The following PLCXD3 variants were observed in gnomAD, a reference collection of about 807,000 sequenced individuals.
The protein encoded by PLCXD3 is PI-PLC X domain-containing protein 3.
In PLCXD3, 19 loss-of-function variants were observed where a neutral mutation model predicts 25.5. The observed-to-expected ratio is 0.75, with a 90% confidence interval of 0.52 to 1.09. The LOEUF (loss-of-function observed/expected upper bound fraction) is 1.09, where lower values mean the gene tolerates loss of function less well. PLCXD3 is among the 50% of genes least tolerant of loss of function. PLCXD3 has a pLI of 0.00. For synonymous variants in PLCXD3, 174 were observed against 137.6 expected, an observed-to-expected ratio of 1.26 and a Z score of -1.85; for missense variants, 411 against 388.1, an observed-to-expected ratio of 1.06 and a Z score of -0.50.
chr5:41,426,000 G>T (rs1746946890), intron 1 of PLCXD3, among the ~76,000 whole-genome samples: 1 of 152,142 alleles, frequency 6.6e-6, no homozygotes, highest in Non-Finnish European at 1.5e-5. Context: ...TGTATGATAA[G>T]AGTATGCTTA....
chr5:41,360,509 C>T (rs1744741817), intron 2 of PLCXD3, among the ~76,000 whole-genome samples: 1 of 152,162 alleles, frequency 6.6e-6, no homozygotes. Flanking sequence ...AGACTTGGGA[C>T]TCAAGGGCTG....
At chr5:41,346,163 G>A (rs1032236386) in intron 2 of PLCXD3, among the ~76,000 whole-genome samples, 2 of 152,184 alleles carry the variant, frequency 1.3e-5, no homozygotes, top group African/African-American at 4.8e-5. Flanking sequence ...TTACAGGCGT[G>A]AGCCACCATG....
chr5:41,423,249 T>A (rs573645330), intron 1 of PLCXD3, among the ~76,000 whole-genome samples: 1 of 152,246 alleles, frequency 6.6e-6, no homozygotes, highest in East Asian at 1.9e-4. Flanking sequence ...GATGGTTTGG[T>A]AGATTATGCT....
At chr5:41,326,240 A>G (rs1743623898) in intron 2 of PLCXD3, among the ~76,000 whole-genome samples, 1 of 152,122 alleles carries the variant, frequency 6.6e-6, no homozygotes, top group Non-Finnish European at 1.5e-5. Context: ...GTAACTTCCT[A>G]GGGCCATTTC....
intron 1 of PLCXD3, among the ~76,000 whole-genome samples, chr5:41,443,719 A>G (rs1473263176): frequency 6.6e-6 from 1 of 152,138 alleles, no homozygotes. Flanking sequence ...CTTTAAGGAA[A>G]CTTGGGATGT....
At chr5:41,320,289 CAA>C (rs1298831695) in intron 2 of PLCXD3, among the ~76,000 whole-genome samples, 1 of 151,902 alleles carries the variant, frequency 6.6e-6, no homozygotes, top group Non-Finnish European at 1.5e-5. Flanking sequence ...ATAACAAAAC[CAA>C]AGACACACCT....
At chr5:41,349,157 C>T (rs1036846747) in intron 2 of PLCXD3, among the ~76,000 whole-genome samples, 1 of 152,304 alleles carries the variant, frequency 6.6e-6, no homozygotes, top group African/African-American at 2.4e-5. Flanking sequence ...AGACCCCTAG[C>T]TCTATCTAGT....
intron 2 of PLCXD3, among the ~76,000 whole-genome samples, chr5:41,327,507 C>T (rs1383975606): frequency 6.6e-6 from 1 of 152,186 alleles, no homozygotes; most frequent in Non-Finnish European, 1.5e-5. Flanking sequence ...TGAAACTTCT[C>T]AGATTGCTGT....
At position 41,453,297 on chromosome 5, in the gene PLCXD3, C is replaced by G. The variant is rs553668579; in HGVS notation, c.103+57127G>C. Among the ~76,000 whole-genome samples the G allele has an allele frequency of 3.3e-5, 5 of 151,868 alleles. No individual in the cohort carries two copies. In the East Asian group the frequency reaches 9.7e-4, roughly 30 times the overall value. ...TATTCTTATGCCAAAGAGATGATTCCAATGTCACAAACTATTGGCTGTATG... is the reference window on the plus strand; with the variant it reads ...TATTCTTATGCCAAAGAGATGATTCGAATGTCACAAACTATTGGCTGTATG... On this transcript the variant is annotated intron_variant, in intron 1 of 2. Coordinates refer to ENST00000377801, the MANE Select transcript of PLCXD3 (RefSeq NM_001005473.3).
At position 41,338,045 on chromosome 5, in the gene PLCXD3, T is replaced by C. The variant is rs577625369; in HGVS notation, c.813-24275A>G. On this transcript the variant is annotated intron_variant, in intron 2 of 2. Transcript: ENST00000377801. ...TGTCAAGCCATAGAGGTGCCACATATGTGTCTTAATTTGTAATACATTCTC... is the reference window on the plus strand; with the variant it reads ...TGTCAAGCCATAGAGGTGCCACATACGTGTCTTAATTTGTAATACATTCTC... Among the ~76,000 whole-genome samples, 321 of 152,170 alleles carry C rather than the reference T, an allele frequency of 2.1e-3. 1 individual carries two copies. Among genetic ancestry groups the C allele is most frequent in the Non-Finnish European group, 3.5e-3 (240 of 68,008 alleles).
chr5:41,477,993 T>G (rs1018130548), intron 1 of PLCXD3, among the ~76,000 whole-genome samples: 5 of 152,100 alleles, frequency 3.3e-5, no homozygotes, highest in African/African-American at 9.7e-5. Context: ...TGTCTAGGAG[T>G]AGGGTGGGAG....
At chr5:41,381,025 T>C (rs1745442965) in intron 2 of PLCXD3, among the ~76,000 whole-genome samples, 1 of 152,122 alleles carries the variant, frequency 6.6e-6, no homozygotes, top group Non-Finnish European at 1.5e-5. Flanking sequence ...GCATAGGATA[T>C]AGTTTAAGAA....
chr5:41,449,458 A>C (rs1200340517), intron 1 of PLCXD3, among the ~76,000 whole-genome samples: 1 of 152,192 alleles, frequency 6.6e-6, no homozygotes, highest in African/African-American at 2.4e-5. Context: ...TCACATTCAA[A>C]AATTGAAATG....
rs1241354608 is a variant in PLCXD3 at position 41,308,508 on chromosome 5, A to G, written c.*5109T>C. On this transcript the variant is annotated 3_prime_UTR_variant, in exon 3 of 3. Transcript: ENST00000377801. ...AGGTCACAGAATTTTTGCTTCAAGC[A>G]TGACCACATGTGTAGATCCTTGTCA... is the stretch of plus-strand genomic sequence containing the variant. The G allele has an allele frequency of 6.6e-6, 1 of 152,144 alleles. No homozygotes were observed. The highest frequency in any genetic ancestry group is 1.5e-5 in the Non-Finnish European group (1 of 67,996). The allele number at this position is 152,144 out of a possible 1,614,324, so 9.4% of individuals were successfully genotyped here. A position where few individuals can be genotyped will look rare whatever the true frequency, so the allele number is the denominator to read the frequency against.
chr5:41,364,529 G>A (rs1023379089), intron 2 of PLCXD3, among the ~76,000 whole-genome samples: 14 of 152,104 alleles, frequency 9.2e-5, no homozygotes. Context: ...AAGCCTAATT[G>A]GCAAGAAAAT....
chr5:41,493,763 G>A (rs989140513), intron 1 of PLCXD3, among the ~76,000 whole-genome samples: 3 of 152,220 alleles, frequency 2.0e-5, no homozygotes, highest in African/African-American at 7.2e-5. Flanking sequence ...TAATCTCCTG[G>A]TGCGCCGTTT....
At chr5:41,423,224 G>T (rs555061653) in intron 1 of PLCXD3, among the ~76,000 whole-genome samples, 1 of 151,978 alleles carries the variant, frequency 6.6e-6, no homozygotes, top group South Asian at 2.1e-4. Context: ...ATGAAAAATG[G>T]GTTATATGTT....
At chr5:41,332,951 G>A (rs1234634921) in intron 2 of PLCXD3, among the ~76,000 whole-genome samples, 1 of 152,092 alleles carries the variant, frequency 6.6e-6, no homozygotes, top group Non-Finnish European at 1.5e-5. Context: ...TTGTGGGGTG[G>A]GAGGAAGAGG....
At chr5:41,405,431 C>G (rs1746322619) in intron 1 of PLCXD3, among the ~76,000 whole-genome samples, 1 of 152,114 alleles carries the variant, frequency 6.6e-6, no homozygotes, top group Non-Finnish European at 1.5e-5. Flanking sequence ...TCTACCCCTC[C>G]TCCTATCAAG....
Sources: gnomAD v4.1 joint callset for allele counts (sites outside exome capture counted in the v4.1 genomes callset) on GRCh38, gnomAD v4.1.1 for gene constraint, MANE v1.5 for transcripts, NCBI Gene and HGNC (gene_info 2026-07-23, HGNC 2026-07-21) for gene names.